Variants in AMPH observed in about 807,000 individuals in gnomAD.
AMPH encodes amphiphysin, also known as amphiphysin (Stiff-Mann syndrome with breast cancer 128kD autoantigen).
AMPH carries 49 observed loss-of-function variants against 99.1 expected under a neutral mutation model. The observed-to-expected ratio is 0.49, with a 90% CI of 0.39 to 0.63. AMPH has a LOEUF of 0.63. AMPH is among the 20% of genes least tolerant of loss of function. The pLI is 0.00. For missense variants in AMPH, 759 were observed against 863.4 expected (o/e 0.88, Z 1.52); for synonymous variants, 314 against 317.3 (o/e 0.99, Z 0.11).
At chr7:38,389,139 G>A (rs1034629634) in intron 20 of AMPH, among the ~76,000 whole-genome samples, 4 of 152,138 alleles carry the variant, frequency 2.6e-5, no homozygotes, top group African/African-American at 9.7e-5. Flanking sequence ...AGAATAGTAT[G>A]GAAGTTAGAG....
intron 11 of AMPH, among the ~76,000 whole-genome samples, chr7:38,448,150 A>G (rs963227033): frequency 6.6e-6 from 1 of 152,216 alleles, no homozygotes; most frequent in Admixed American, 6.5e-5. Context: ...GTGGCCTAGG[A>G]AAGTTTACCT....
intron 16 of AMPH, among the ~76,000 whole-genome samples, chr7:38,419,733 C>A (rs1237811133): frequency 6.6e-6 from 1 of 152,062 alleles, no homozygotes; most frequent in African/African-American, 2.4e-5. Flanking sequence ...TGAGAAAACA[C>A]CAAGAAATCC....
rs113797528 is a variant in AMPH, at chr7:38,445,641, A to G, written c.1018-9253T>C. On this transcript the variant is annotated intron_variant, in intron 11 of 20. Transcript: ENST00000356264. ...AGATATATGGGTGTTAAATAAGTACATGAAAAAATACTTAACACCACTAGT... is the reference window on the plus strand; with the variant it reads ...AGATATATGGGTGTTAAATAAGTACGTGAAAAAATACTTAACACCACTAGT... Among the ~76,000 whole-genome samples the G allele has an allele frequency of 4.3e-3, 655 of 152,370 alleles. 4 individuals carry two copies. The highest frequency in any genetic ancestry group is 0.015 in the African/African-American group (621 of 41,590).
chr7:38,473,534 C>T lies in AMPH; in HGVS notation c.590+1797G>A, dbSNP rs1315257704. Among the ~76,000 whole-genome samples the T allele has an allele frequency of 3.4e-5, 3 of 88,988 alleles. 1 individual carries two copies. Among genetic ancestry groups the T allele is most frequent in the African/African-American group, 9.6e-5 (2 of 20,756 alleles). The allele number at this position is 88,988 out of a possible 152,430, so 58.4% of individuals were successfully genotyped here. On this transcript the variant is annotated intron_variant, in intron 7 of 20. Transcript: ENST00000356264. ...CCTGGCTAACAAGGTGAAACCCCGT[C>T]TCTACTAAAAATACAAAAAATTAGC... is the stretch of plus-strand genomic sequence containing the variant.
chr7:38,505,198 G>A (rs117753347), intron 2 of AMPH, among the ~76,000 whole-genome samples: 1 of 152,274 alleles, frequency 6.6e-6, no homozygotes, highest in East Asian at 1.9e-4. Flanking sequence ...CAAATAAACT[G>A]ACAAGAAATA....
At chr7:38,502,767 T>C (rs1169017099) in intron 3 of AMPH, among the ~76,000 whole-genome samples, 1 of 152,164 alleles carries the variant, frequency 6.6e-6, no homozygotes, top group African/African-American at 2.4e-5. Flanking sequence ...GGGTCCCTTC[T>C]TCGGCCCCTT....
chr7:38,438,922 T>C (rs187056407), intron 11 of AMPH, among the ~76,000 whole-genome samples: 22 of 152,372 alleles, frequency 1.4e-4, no homozygotes, highest in Admixed American at 7.8e-4. Context: ...CATGTGATTA[T>C]AGTTTGGCTC....
chr7:38,538,870 C>T lies in AMPH; in HGVS notation c.70-3859G>A, dbSNP rs147187347. 6.6e-3 allele frequency among the ~76,000 whole-genome samples: 1,004 copies of T among 152,274 alleles called. 11 individuals are homozygous for T. The highest frequency in any genetic ancestry group is 0.023 in the African/African-American group (936 of 41,550). On this transcript the variant is annotated intron_variant, in intron 1 of 20. Transcript: ENST00000356264. The stretch of plus-strand genomic sequence containing the variant: ...CATTTTGGACATGCAGGGTTTGAGA[C>T]AGCTCTGTGGCATCCAGGTAGAGAT...
chr7:38,473,021 A>AT (rs1180141619), intron 7 of AMPH, among the ~76,000 whole-genome samples: 1 of 152,200 alleles, frequency 6.6e-6, no homozygotes, highest in East Asian at 1.9e-4. Context: ...AACCTTAGTT[A>AT]TATACCCAAT....
chr7:38,461,757 T>C (rs1378298095), intron 10 of AMPH, among the ~76,000 whole-genome samples: 1 of 152,246 alleles, frequency 6.6e-6, no homozygotes, highest in Non-Finnish European at 1.5e-5. Context: ...ATTTCTCATT[T>C]TGGAAATAAA....
At chr7:38,614,055 G>A (rs973778340) in intron 1 of AMPH, among the ~76,000 whole-genome samples, 1 of 152,048 alleles carries the variant, frequency 6.6e-6, no homozygotes, top group Non-Finnish European at 1.5e-5. Flanking sequence ...AGGCAGCAGT[G>A]GAACACAAAC....
At chr7:38,561,361 A>G (rs1009639004) in intron 1 of AMPH, among the ~76,000 whole-genome samples, 7 of 152,230 alleles carry the variant, frequency 4.6e-5, no homozygotes, top group African/African-American at 1.7e-4. Flanking sequence ...CTTATCCTCC[A>G]GAAAGTGTCA....
At position 38,586,787 on chromosome 7, in the gene AMPH, C is replaced by T. The variant is rs551283452; in HGVS notation, c.69+44496G>A. Among the ~76,000 whole-genome samples the T allele has an allele frequency of 1.2e-3, 190 of 152,340 alleles. 8 individuals carry two copies. In the South Asian group the frequency reaches 0.038, roughly 30 times the overall value. On this transcript the variant is annotated intron_variant, in intron 1 of 20. Transcript: ENST00000356264. Reference sequence around the variant, plus strand: ...TTGATGATCTGTGCTATCCTGCACCCTGTGCTAAGCACTTTACATGTCTTC... The same window carrying T: ...TTGATGATCTGTGCTATCCTGCACCTTGTGCTAAGCACTTTACATGTCTTC...
chr7:38,577,270 G>A (rs1202758607), intron 1 of AMPH, among the ~76,000 whole-genome samples: 1 of 152,198 alleles, frequency 6.6e-6, no homozygotes, highest in African/African-American at 2.4e-5. Context: ...ACTGCATGCA[G>A]TGGAGTAAAT....
At chr7:38,489,408 G>T (rs927809479) in intron 5 of AMPH, among the ~76,000 whole-genome samples, 12 of 151,398 alleles carry the variant, frequency 7.9e-5, no homozygotes, top group Non-Finnish European at 1.3e-4. Flanking sequence ...AAAAGTTGAG[G>T]GGGGGGGAAG....
chr7:38,509,740 G>A (rs1584185599), intron 2 of AMPH, among the ~76,000 whole-genome samples: 1 of 152,274 alleles, frequency 6.6e-6, no homozygotes, highest in Non-Finnish European at 1.5e-5. Flanking sequence ...TTAATAGCTA[G>A]AGCACAGTAT....
chr7:38,578,242 T>C (rs1033876066), intron 1 of AMPH, among the ~76,000 whole-genome samples: 3 of 152,178 alleles, frequency 2.0e-5, no homozygotes, highest in South Asian at 2.1e-4. Flanking sequence ...GTAAGAAGAA[T>C]TGCAGTGTCT....
intron 11 of AMPH, among the ~76,000 whole-genome samples, chr7:38,443,151 A>G (rs1316220069): frequency 6.6e-6 from 1 of 152,056 alleles, no homozygotes; most frequent in Non-Finnish European, 1.5e-5. Context: ...GAGAAACACA[A>G]ACTACAAATA....
chr7:38,534,603 G>A (rs920049264), intron 2 of AMPH, among the ~76,000 whole-genome samples: 2 of 152,128 alleles, frequency 1.3e-5, no homozygotes, highest in Non-Finnish European at 2.9e-5. Context: ...TGAATCCAAG[G>A]ATGTTGAGGC....
Sources: gnomAD v4.1 joint callset for allele counts (sites outside exome capture counted in the v4.1 genomes callset) on GRCh38, gnomAD v4.1.1 for gene constraint, MANE v1.5 for transcripts, NCBI Gene and HGNC (gene_info 2026-07-23, HGNC 2026-07-21) for gene names.